Variants in CLPS observed in about 807,000 individuals in gnomAD.
CLPS encodes the protein colipase, pancreatic.
CLPS carries 8 observed loss-of-function variants against 9.3 expected under a neutral mutation model. The observed-to-expected ratio is 0.86, with a 90% CI of 0.51 to 1.56. The LOEUF (loss-of-function observed/expected upper bound fraction) is 1.56. Ranked by LOEUF, CLPS falls within the 40% of genes most tolerant of loss-of-function variation. CLPS has a pLI of 0.00. For synonymous variants in CLPS, 61 were observed against 56.2 expected (o/e 1.09, Z -0.39); for missense variants, 144 against 145.7 (o/e 0.99, Z 0.06).
intron 1 of CLPS, among the ~76,000 whole-genome samples, chr6:35,796,356 T>C (rs150056477): frequency 2.0e-5 from 3 of 152,396 alleles, no homozygotes; most frequent in East Asian, 3.9e-4. Flanking sequence ...TTCAACCGCA[T>C]GGACGTTCTG....
chr6:35,795,939 A>C, intron 1 of CLPS, 86 bp from the exon 2 acceptor site: 3 of 1,555,566 alleles, frequency 1.9e-6, no homozygotes, highest in Non-Finnish European at 2.6e-6. Context: ...ACTACCACTA[A>C]CAGTGTCTCC....
intron 2 of CLPS, 150 bp from the exon 3 acceptor site, chr6:35,795,427 G>A: frequency 8.0e-7 from 1 of 1,249,782 alleles, no homozygotes; most frequent in African/African-American, 1.5e-5. Context: ...GTGGGCCCTG[G>A]AGACCCCAGC....
At position 35,797,307 on chromosome 6, in the gene CLPS, T is replaced by G; in HGVS notation, c.-19A>C. 6.2e-7 allele frequency: 1 copy of G among 1,612,034 alleles called. No homozygotes were observed. Among genetic ancestry groups the G allele is most frequent in the Non-Finnish European group, 8.5e-7 (1 of 1,178,608 alleles). On this transcript the variant is annotated 5_prime_UTR_variant, in exon 1 of 3. Transcript: ENST00000259938. Reference sequence around the variant, plus strand: ...TCTCCATGGTGAGTGGGACAGCTGGTGTGGGTGGCGGGAGACAGAGCCAGC... The same window carrying G: ...TCTCCATGGTGAGTGGGACAGCTGGGGTGGGTGGCGGGAGACAGAGCCAGC...
Position 35,797,259 on chromosome 6 carries a change from G to A in CLPS, c.30C>T (p.Val10=), listed in dbSNP as rs755917684. ...GAGCTGCATAGGCCACAGAGAGGGC[G>A]ACAAGCAGGAGGATCAGGATCTTCT... MEKILILLL[V]ALSVAYAAPG... The change falls in exon 1 of 3, where the codon GTC becomes GTT. Residue 10 remains valine, a synonymous_variant. Coordinates refer to ENST00000259938, the MANE Select transcript of CLPS (RefSeq NM_001832.4). 13 of 1,613,958 alleles carry A rather than the reference G, an allele frequency of 8.1e-6. No homozygotes were observed. Among genetic ancestry groups the A allele is most frequent in the Middle Eastern group, 1.6e-4 (1 of 6,080 alleles).
rs761215824 is a variant in CLPS, at chr6:35,797,199, T to A, written c.84+6A>T. 1 of 1,613,390 alleles carries A rather than the reference T, an allele frequency of 6.2e-7. No homozygotes were observed. Among genetic ancestry groups the A allele is most frequent in the South Asian group, 1.1e-5 (1 of 91,062 alleles). On this transcript the variant is annotated splice_donor_region_variant and intron_variant, in intron 1 of 2. Transcript: ENST00000259938. The stretch of plus-strand genomic sequence containing the variant: ...CAGGAGGCGCCTCCCCTGAAGACCC[T>A]CTTACCAGGTTGATAATGATCCCCC...
chr6:35,796,567 A>G (rs557972000), intron 1 of CLPS, among the ~76,000 whole-genome samples: 73 of 152,398 alleles, frequency 4.8e-4, no homozygotes, highest in African/African-American at 1.6e-3. Context: ...AGGCATCTCC[A>G]TAAGTCAGAA....
In CLPS at chr6:35,795,078, G is replaced by A. The variant is rs925088581; in HGVS notation, c.*68C>T. ...CAGCCCGGGAGATGCGCTGGAGCAGGGGAGAGATGCCCCTGCGCCTAGTGG... is the reference window on the plus strand; with the variant it reads ...CAGCCCGGGAGATGCGCTGGAGCAGAGGAGAGATGCCCCTGCGCCTAGTGG... On this transcript the variant is annotated 3_prime_UTR_variant, in exon 3 of 3. Transcript: ENST00000259938. 5.5e-5 allele frequency: 86 copies of A among 1,577,076 alleles called. No individual in the cohort carries two copies. The East Asian group carries it at 1.5e-3, about 28-fold the overall frequency.
At chr6:35,796,480 C>CT (rs1402617575) in intron 1 of CLPS, among the ~76,000 whole-genome samples, 1 of 152,276 alleles carries the variant, frequency 6.6e-6, no homozygotes, top group African/African-American at 2.4e-5. Context: ...CACCCTCTCT[C>CT]TGTCTGAAGA....
intron 1 of CLPS, among the ~76,000 whole-genome samples, chr6:35,796,163 G>A (rs1311616690): frequency 6.6e-6 from 1 of 152,272 alleles, no homozygotes; most frequent in Admixed American, 6.5e-5. Context: ...TTTGGAATGT[G>A]CACACAAGGC....
In CLPS at chr6:35,797,226, G is replaced by A. The variant is rs1054340429; in HGVS notation, c.63C>T (p.Pro21=). Residue 21 remains proline (P), a synonymous_variant, in exon 1 of 3, where the codon CCC becomes CCT. Coordinates refer to ENST00000259938, the MANE Select transcript of CLPS (RefSeq NM_001832.4). ...TTACCAGGTTGATAATGATCCCCCGGGGGCCAGGAGCTGCATAGGCCACAG... is the reference window on the plus strand; with the variant it reads ...TTACCAGGTTGATAATGATCCCCCGAGGGCCAGGAGCTGCATAGGCCACAG... The part of the protein sequence containing the change: ...ALSVAYAAPG[P]RGIIINLENG... 1.9e-6 allele frequency: 3 copies of A among 1,613,962 alleles called. No homozygotes were observed. The highest frequency in any genetic ancestry group is 1.3e-5 in the African/African-American group (1 of 74,956).
At chr6:35,795,606 C>A in intron 2 of CLPS, 125 bp downstream of exon 2, 1 of 1,468,292 alleles carries the variant, frequency 6.8e-7, no homozygotes, top group East Asian at 2.3e-5. Flanking sequence ...TGACACCTGT[C>A]GACCTCCCTC....
At chr6:35,796,514 C>T (rs1394358930) in intron 1 of CLPS, among the ~76,000 whole-genome samples, 1 of 152,272 alleles carries the variant, frequency 6.6e-6, no homozygotes, top group Non-Finnish European at 1.5e-5. Flanking sequence ...GAAAACACCT[C>T]CCTCAGTGGT....
intron 1 of CLPS, 98 bp downstream of exon 1, chr6:35,797,107 C>A (rs1768386942): frequency 8.7e-7 from 1 of 1,143,380 alleles, no homozygotes; most frequent in South Asian, 1.3e-5. Flanking sequence ...TCCTCCCAGC[C>A]CCTGCCAGTC....
At position 35,797,265 on chromosome 6, in the gene CLPS, C is replaced by T. The variant is rs1305934138; in HGVS notation, c.24G>A (p.Leu8=). 1.2e-6 allele frequency: 2 copies of T among 1,613,910 alleles called. No homozygotes were observed. Among genetic ancestry groups the T allele is most frequent in the African/African-American group, 2.7e-5 (2 of 74,942 alleles). MEKILIL[L]LVALSVAYAA... is the part of the protein sequence containing the mutation. ...CATAGGCCACAGAGAGGGCGACAAGCAGGAGGATCAGGATCTTCTCCATGG... is the reference window on the plus strand; with the variant it reads ...CATAGGCCACAGAGAGGGCGACAAGTAGGAGGATCAGGATCTTCTCCATGG... Residue 8 remains leucine, a synonymous_variant, in exon 1 of 3, where the codon CTG becomes CTA. Coordinates refer to ENST00000259938, the MANE Select transcript of CLPS (RefSeq NM_001832.4).
intron 2 of CLPS, 77 bp from the exon 3 acceptor site, chr6:35,795,354 GAACCAGTAGGCC>G (rs1311411064): frequency 6.0e-5 from 93 of 1,561,050 alleles, no homozygotes; most frequent in Middle Eastern, 5.2e-4. Flanking sequence ...CTGACCTAGA[GAACCAGTAGGCC>G]AGCCTGTGTT....
chr6:35,795,558 G>T (rs373554534), intron 2 of CLPS, among the ~76,000 whole-genome samples, 173 bp downstream of exon 2: 2 of 150,746 alleles, frequency 1.3e-5, no homozygotes, highest in African/African-American at 2.4e-5. Flanking sequence ...CTGGTCACTC[G>T]GGAGGGTCAA....
rs1378471288 is a variant in CLPS at position 35,795,008 on chromosome 6, T to G, written c.*138A>C. The G allele has an allele frequency of 8.0e-7, 1 of 1,247,884 alleles. No homozygotes were observed. The highest frequency in any genetic ancestry group is 1.5e-5 in the African/African-American group (1 of 66,428). The allele number at this position is 1,247,884 out of a possible 1,614,324, so 77.3% of individuals were successfully genotyped here. A position where few individuals can be genotyped will look rare whatever the true frequency, so the allele number is the denominator to read the frequency against. On this transcript the variant is annotated 3_prime_UTR_variant, in exon 3 of 3. Coordinates refer to ENST00000259938, the MANE Select transcript of CLPS (RefSeq NM_001832.4). ...AAGGTTTGCAGGAGGCCTTTAATTG[T>G]GAAGAGCGCAATCAGAAAACAGATA...
intron 1 of CLPS, among the ~76,000 whole-genome samples, 156 bp from the exon 2 acceptor site, chr6:35,796,009 C>T (rs56279340): frequency 9.4e-3 from 1,424 of 151,940 alleles, no homozygotes; most frequent in South Asian, 0.02. Flanking sequence ...CTGTGCCCCC[C>T]ACCCACGTGA....
In CLPS at chr6:35,795,942, G is replaced by C. The variant is rs918964800; in HGVS notation, c.85-89C>G. 5 of 1,567,416 alleles carry C rather than the reference G, an allele frequency of 3.2e-6. No individual in the cohort carries two copies. In the African/African-American group the frequency reaches 5.4e-5, roughly 17 times the overall value. ...TACCCACCACACACTACCACTAACA[G>C]TGTCTCCCCTGGTAGGGATGTGTGT... On this transcript the variant is annotated intron_variant, in intron 1 of 2. Coordinates refer to ENST00000259938, the MANE Select transcript of CLPS (RefSeq NM_001832.4).
Sources: allele counts gnomAD v4.1 joint callset (sites outside exome capture counted in the v4.1 genomes callset), GRCh38; gene constraint gnomAD v4.1.1; transcripts MANE v1.5; gene names NCBI Gene and HGNC (gene_info 2026-07-23, HGNC 2026-07-21).